The following TENM3 variants were observed in gnomAD, a reference collection of about 807,000 sequenced individuals.
TENM3 encodes the protein teneurin transmembrane protein 3.
Under a neutral mutation model 255.1 loss-of-function variants are expected in TENM3, and 63 were observed. The observed-to-expected ratio is 0.25, with a 90% CI of 0.20 to 0.30. TENM3 has a LOEUF of 0.30. Ranked by LOEUF, TENM3 falls within the 10% of genes least tolerant of loss-of-function variation. TENM3 has a pLI of 1.00. For synonymous variants in TENM3, 1,306 were observed against 1,322.3 expected (o/e 0.99, Z 0.27); for missense variants, 2,929 against 3,461.1 (o/e 0.85, Z 3.86).
chr4:182,668,896 G>C (rs1315828733), intron 6 of TENM3, among the ~76,000 whole-genome samples: 1 of 152,158 alleles, frequency 6.6e-6, no homozygotes, highest in Admixed American at 6.5e-5. Context: ...ACCAGTTTAT[G>C]AATTTATGTT....
At chr4:181,456,095 ATGTG>A in the TENM3 span, among the ~76,000 whole-genome samples, 2,109 of 135,336 alleles carry the variant, frequency 0.016, 42 homozygotes, top group African/African-American at 0.041. Flanking sequence ...TGGTAAATAT[ATGTG>A]TGTGTGTGTG....
At chr4:182,105,850 G>A in the TENM3 span, among the ~76,000 whole-genome samples, 1 of 152,226 alleles carries the variant, frequency 6.6e-6, no homozygotes, top group Non-Finnish European at 1.5e-5. Flanking sequence ...GTGAGGGAAT[G>A]GGATGATGAG....
At chr4:182,060,231 T>C in the TENM3 span, among the ~76,000 whole-genome samples, 4 of 152,124 alleles carry the variant, frequency 2.6e-5, no homozygotes, top group Admixed American at 2.0e-4. Context: ...AGTGAGACTC[T>C]GTATCTAAAA....
intron 3 of TENM3, among the ~76,000 whole-genome samples, chr4:182,511,101 G>A (rs891604206): frequency 1.3e-5 from 2 of 152,154 alleles, no homozygotes; most frequent in Admixed American, 6.5e-5. Flanking sequence ...AGGGACCAAC[G>A]TACAATCCAA....
intron 3 of TENM3, among the ~76,000 whole-genome samples, chr4:182,554,168 C>G (rs1235965858): frequency 6.6e-6 from 1 of 152,174 alleles, no homozygotes. Flanking sequence ...TTTCTGATGA[C>G]CAGCTGAGTT....
Position 182,358,035 on chromosome 4 carries a change from C to T in TENM3, c.511+11106C>T, listed in dbSNP as rs556540299. On this transcript the variant is annotated intron_variant, in intron 3 of 27. Coordinates refer to ENST00000511685, the MANE Select transcript of TENM3 (RefSeq NM_001080477.4). ...CAAAGATCAGATAGTTGTAGATATG[C>T]GGCGTTATTTCTGAGGGCTCTGTTC... is the stretch of plus-strand genomic sequence containing the variant. 1.8e-3 allele frequency among the ~76,000 whole-genome samples: 274 copies of T among 149,244 alleles called. 1 individual carries two copies. Among genetic ancestry groups the T allele is most frequent in the East Asian group, 7.9e-3 (40 of 5,080 alleles).
chr4:182,722,752 C>T (rs1165528720), intron 13 of TENM3, among the ~76,000 whole-genome samples: 2 of 152,126 alleles, frequency 1.3e-5, no homozygotes. Flanking sequence ...ATAGTTGGGG[C>T]AAGACTGGAA....
At chr4:182,324,328 T>C in intron 2 of TENM3, 76 bp downstream of exon 2, 1 of 1,092,348 alleles carries the variant, frequency 9.2e-7, no homozygotes, top group Non-Finnish European at 1.4e-6. Context: ...CCCCTCAAGG[T>C]GACATGTCTG....
the TENM3 span, among the ~76,000 whole-genome samples, chr4:182,025,325 G>A: frequency 6.6e-6 from 1 of 152,166 alleles, no homozygotes; most frequent in African/African-American, 2.4e-5. Context: ...ACCACGCCTG[G>A]CTAGGATTTC....
At chr4:182,593,115 G>A (rs1402165936) in intron 3 of TENM3, among the ~76,000 whole-genome samples, 1 of 152,014 alleles carries the variant, frequency 6.6e-6, no homozygotes, top group African/African-American at 2.4e-5. Context: ...AGGCAATGTG[G>A]CAACCTAGAT....
At chr4:182,434,348 T>C (rs1173342669) in intron 3 of TENM3, among the ~76,000 whole-genome samples, 1 of 152,114 alleles carries the variant, frequency 6.6e-6, no homozygotes, top group Middle Eastern at 3.2e-3. Flanking sequence ...ATAGTTGTAC[T>C]TCATAGAATT....
intron 3 of TENM3, among the ~76,000 whole-genome samples, chr4:182,357,730 C>G (rs1390739400): frequency 1.3e-5 from 2 of 150,072 alleles, no homozygotes; most frequent in African/African-American, 2.4e-5. Flanking sequence ...AATTAGATCC[C>G]ATTTGTCAAT....
the TENM3 span, among the ~76,000 whole-genome samples, chr4:182,083,405 G>GA: frequency 6.6e-6 from 1 of 152,078 alleles, no homozygotes; most frequent in African/African-American, 2.4e-5. Context: ...TTGAATAATT[G>GA]AAAAATCAAA....
the TENM3 span, among the ~76,000 whole-genome samples, chr4:181,930,741 G>A: frequency 6.6e-6 from 1 of 152,172 alleles, no homozygotes; most frequent in Admixed American, 6.5e-5. Context: ...CAATATCCCT[G>A]ATGAACATTG....
At chr4:182,609,812 G>A (rs1055633151) in intron 4 of TENM3, among the ~76,000 whole-genome samples, 4 of 144,380 alleles carry the variant, frequency 2.8e-5, no homozygotes, top group African/African-American at 4.9e-5. Context: ...ACTTCACAAC[G>A]ACTTTATAAG....
chr4:181,854,311 T>G, the TENM3 span, among the ~76,000 whole-genome samples: 2,171 of 152,336 alleles, frequency 0.014, 29 homozygotes, highest in African/African-American at 0.033. Flanking sequence ...ATACTTCATC[T>G]GCTGTTCATG....
At chr4:181,617,149 GATA>G in the TENM3 span, among the ~76,000 whole-genome samples, 1 of 152,098 alleles carries the variant, frequency 6.6e-6, no homozygotes, top group East Asian at 1.9e-4. Flanking sequence ...TCGAAAGACA[GATA>G]ATAGATGGTC....
chr4:182,434,405 A>G lies in TENM3; in HGVS notation c.511+87476A>G, dbSNP rs111982123. Reference sequence around the variant, plus strand: ...TGGCTGGGTGCCATGGCTCACACCTATAATCCCAGTACTTTGGGAGGCCAA... The same window carrying G: ...TGGCTGGGTGCCATGGCTCACACCTGTAATCCCAGTACTTTGGGAGGCCAA... On this transcript the variant is annotated intron_variant, in intron 3 of 27. Transcript: ENST00000511685. Among the ~76,000 whole-genome samples the G allele has an allele frequency of 1.8e-3, 275 of 152,280 alleles. 2 individuals carry two copies. The highest frequency in any genetic ancestry group is 6.5e-3 in the African/African-American group (270 of 41,580).
the TENM3 span, among the ~76,000 whole-genome samples, chr4:181,469,950 T>G: frequency 6.6e-6 from 1 of 151,980 alleles, no homozygotes. Context: ...CTGATTATTA[T>G]GTACAGCACA....
Sources: gnomAD v4.1 joint callset for allele counts (sites outside exome capture counted in the v4.1 genomes callset) on GRCh38, gnomAD v4.1.1 for gene constraint, MANE v1.5 for transcripts, NCBI Gene and HGNC (gene_info 2026-07-23, HGNC 2026-07-21) for gene names.